The following APIP variants were observed in gnomAD, a reference collection of about 807,000 sequenced individuals.
APIP encodes APAF1 interacting protein.
Under a neutral mutation model 32.0 loss-of-function variants are expected in APIP, and 32 were observed. The ratio of observed to expected loss-of-function variants is 1.00; its 90% CI spans 0.76 to 1.34. The LOEUF is 1.34. Among genes scored for constraint, APIP ranks in the 40% most tolerant of loss-of-function variants. The pLI is 0.00. For synonymous variants in APIP, 92 were observed against 94.8 expected (o/e 0.97, Z 0.17); for missense variants, 247 against 298.6 (o/e 0.83, Z 1.27).
intron 1 of APIP, among the ~76,000 whole-genome samples, chr11:34,901,672 A>G (rs117845867): frequency 6.6e-6 from 1 of 152,160 alleles, no homozygotes; most frequent in African/African-American, 2.4e-5. Flanking sequence ...CATGGCTGAA[A>G]GTCCTGCTCC....
intron 1 of APIP, among the ~76,000 whole-genome samples, chr11:34,901,709 G>A (rs1853373197): frequency 6.6e-6 from 1 of 152,166 alleles, no homozygotes; most frequent in South Asian, 2.1e-4. Context: ...AGTCTAGCTT[G>A]CATGGGGGCC....
At chr11:34,915,322 G>A (rs1010384775) in intron 1 of APIP, among the ~76,000 whole-genome samples, 2 of 152,052 alleles carry the variant, frequency 1.3e-5, no homozygotes, top group African/African-American at 4.8e-5. Context: ...AGTCGTCTTT[G>A]CTAATTTGGG....
chr11:34,887,173 T>A (rs1853089547), intron 5 of APIP, among the ~76,000 whole-genome samples: 1 of 147,094 alleles, frequency 6.8e-6, no homozygotes, highest in South Asian at 2.2e-4. Context: ...AGGGCCACCA[T>A]GCTTGGCCTC....
chr11:34,884,992 T>C (rs987014469), intron 5 of APIP, among the ~76,000 whole-genome samples: 15 of 151,354 alleles, frequency 9.9e-5, no homozygotes, highest in Non-Finnish European at 2.2e-4. Context: ...CCTCAAAGAG[T>C]ATTGTTTTCA....
Position 34,895,020 on chromosome 11 carries a change from A to T in APIP, c.148T>A (p.Leu50Met). The change falls in exon 2 of 7, where the codon TTG (leucine) becomes ATG (methionine). Residue 50 changes from leucine (L) to methionine (M), a missense_variant. Physicochemically the swap from Leu to Met is conservative, Grantham distance 15. Transcript: ENST00000395787. ...WVTGTGGGIS[L>M]KHGDEIYIAP... ...CTGCCAGAAACTTACCCATGCTTCA[A>T]GCTAATTCCTCCTCCAGTCCCAGTG... The T allele has an allele frequency of 6.8e-6, 11 of 1,613,980 alleles. No homozygotes were observed. The highest frequency in any genetic ancestry group is 9.3e-6 in the Non-Finnish European group (11 of 1,179,864).
intron 1 of APIP, among the ~76,000 whole-genome samples, chr11:34,905,125 A>G (rs1302397415): frequency 6.6e-6 from 1 of 152,276 alleles, no homozygotes; most frequent in Non-Finnish European, 1.5e-5. Context: ...CAGACAGATA[A>G]TCTCAATTAC....
intron 1 of APIP, among the ~76,000 whole-genome samples, chr11:34,898,354 C>T (rs78421708): frequency 0.048 from 7,312 of 152,202 alleles, 260 homozygotes; most frequent in African/African-American, 0.096. Flanking sequence ...TCAATACCCA[C>T]GGGTCATTGG....
intron 5 of APIP, among the ~76,000 whole-genome samples, chr11:34,885,094 A>C (rs1421234664): frequency 6.7e-6 from 1 of 148,676 alleles, no homozygotes; most frequent in Non-Finnish European, 1.5e-5. Flanking sequence ...ATATATGTAT[A>C]CATAGTATAC....
intron 1 of APIP, among the ~76,000 whole-genome samples, chr11:34,901,224 T>C (rs542363698): frequency 2.6e-5 from 4 of 152,224 alleles, no homozygotes; most frequent in East Asian, 3.9e-4. Context: ...CTAGCTGTTA[T>C]CGATGTGGCA....
At chr11:34,899,297 G>A (rs1853338007) in intron 1 of APIP, among the ~76,000 whole-genome samples, 1 of 152,190 alleles carries the variant, frequency 6.6e-6, no homozygotes, top group African/African-American at 2.4e-5. Flanking sequence ...CGGGCTCTAA[G>A]CCTCTTCTGT....
rs1345926349 is a variant in APIP at position 34,908,405 on chromosome 11, CAT to C, written c.57+7821_57+7822del. On this transcript the variant is annotated intron_variant, in intron 1 of 6. Transcript: ENST00000395787. ...GAATGCAGGCACAGTAAAGATGAGT[CAT>C]ACTTTCTCTCTGTCCTTGGTCTTCG... 3.9e-5 allele frequency among the ~76,000 whole-genome samples: 6 copies of C among 152,328 alleles called. No individual in the cohort carries two copies. The East Asian group carries it at 1.2e-3, about 29-fold the overall frequency.
intron 2 of APIP, among the ~76,000 whole-genome samples, chr11:34,892,805 C>T (rs1324851169): frequency 3.9e-5 from 6 of 152,036 alleles, no homozygotes; most frequent in African/African-American, 9.7e-5. Flanking sequence ...TAATTTATTG[C>T]GTTTGCATTT....
chr11:34,890,389 T>C (rs1853166002), intron 3 of APIP, 115 bp downstream of exon 3: 2 of 931,916 alleles, frequency 2.1e-6, no homozygotes, highest in Non-Finnish European at 3.2e-6. Flanking sequence ...TGTTTGCTGA[T>C]TAGTTATTCA....
intron 1 of APIP, among the ~76,000 whole-genome samples, chr11:34,911,766 A>T (rs1174841331): frequency 1.3e-5 from 2 of 152,114 alleles, no homozygotes; most frequent in African/African-American, 2.4e-5. Flanking sequence ...CATCTGGCCA[A>T]TCTAAAATGC....
Position 34,882,619 on chromosome 11 carries a change from CA to C in APIP, c.*97del. On this transcript the variant is annotated 3_prime_UTR_variant, in exon 7 of 7. Transcript: ENST00000395787. ...GCAGTATTTAGTGGCAAATTAGTAGCATCATGAAAAATTTCAATTCATTTAA... is the reference window on the plus strand; with the variant it reads ...GCAGTATTTAGTGGCAAATTAGTAGCTCATGAAAAATTTCAATTCATTTAA... The C allele has an allele frequency of 1.2e-6, 1 of 859,884 alleles. No individual in the cohort carries two copies. The highest frequency in any genetic ancestry group is 2.8e-5 in the East Asian group (1 of 35,768). 53.3% of individuals were successfully genotyped at this position (859,884 alleles called of 1,614,324 possible).
At chr11:34,895,229 G>A (rs570651887) in intron 1 of APIP, 119 bp from the exon 2 acceptor site, 334 of 807,088 alleles carry the variant, frequency 4.1e-4, no homozygotes, top group Non-Finnish European at 5.2e-5. Flanking sequence ...TATAGAAAGA[G>A]TACAGTGAAG....
intron 1 of APIP, among the ~76,000 whole-genome samples, chr11:34,907,068 G>T (rs1410932073): frequency 6.6e-6 from 1 of 152,132 alleles, no homozygotes; most frequent in Non-Finnish European, 1.5e-5. Context: ...CTTTTCGGCA[G>T]GAAGTAGCCA....
intron 3 of APIP, among the ~76,000 whole-genome samples, chr11:34,889,579 C>T (rs1853151887): frequency 6.6e-6 from 1 of 151,664 alleles, no homozygotes; most frequent in Non-Finnish European, 1.5e-5. Flanking sequence ...ATTATTTTGT[C>T]ACCCATGTAA....
At chr11:34,884,374 T>C (rs775217126) in intron 5 of APIP, among the ~76,000 whole-genome samples, 5 of 152,212 alleles carry the variant, frequency 3.3e-5, no homozygotes, top group Non-Finnish European at 7.3e-5. Flanking sequence ...CCATTATCAT[T>C]AAGAGTATAG....
Sources: gnomAD v4.1 joint callset for allele counts (sites outside exome capture counted in the v4.1 genomes callset) on GRCh38, gnomAD v4.1.1 for gene constraint, MANE v1.5 for transcripts, NCBI Gene and HGNC (gene_info 2026-07-23, HGNC 2026-07-21) for gene names.